The following SENP6 variants were observed in gnomAD, a reference collection of about 807,000 sequenced individuals.
SENP6 encodes the protein SUMO specific peptidase 6.
SENP6 carries 41 observed loss-of-function variants against 134.5 expected under a neutral mutation model. The observed-to-expected ratio is 0.30, with a 90% CI of 0.24 to 0.40. SENP6 has a LOEUF of 0.40. SENP6 is among the 10% of genes least tolerant of loss of function. The pLI is 1.00. For missense variants in SENP6, 1,248 were observed against 1,312.5 expected, an observed-to-expected ratio of 0.95 and a Z score of 0.76; for synonymous variants, 395 against 429.8, an observed-to-expected ratio of 0.92 and a Z score of 1.00.
chr6:75,693,838 A>AT (rs1345175845), intron 16 of SENP6, among the ~76,000 whole-genome samples: 5 of 152,120 alleles, frequency 3.3e-5, no homozygotes, highest in African/African-American at 1.2e-4. Context: ...TTGAACTTGC[A>AT]TAAGTCCTAT....
At position 75,634,783 on chromosome 6, in the gene SENP6, A is replaced by G; in HGVS notation, c.430A>G (p.Ile144Val). ...GRRFHHAHAQ[I>V]PVVKTAAQSS... ...ACGTTTTCATCATGCTCATGCACAG[A>G]TACCAGTAGTAAAAACAGCAGCCCA... The change falls in exon 5 of 24, where the codon ATA becomes GTA. Residue 144 changes from isoleucine to valine, a missense_variant. By Grantham distance (29) the Ile-to-Val change is conservative (BLOSUM62 3). This residue lies in a region of SENP6 where 733 missense variants were observed against 725.4 expected (regional missense o/e 1.01). Coordinates refer to ENST00000447266, the MANE Select transcript of SENP6 (RefSeq NM_015571.4). 1 of 1,603,002 alleles carries G rather than the reference A, an allele frequency of 6.2e-7. No homozygotes were observed. The highest frequency in any genetic ancestry group is 1.1e-5 in the South Asian group (1 of 88,054).
At chr6:75,635,531 T>G (rs1221120889) in intron 5 of SENP6, among the ~76,000 whole-genome samples, 2 of 152,148 alleles carry the variant, frequency 1.3e-5, no homozygotes, top group Non-Finnish European at 1.5e-5. Context: ...GTCCTGAACC[T>G]TGCTATATTT....
chr6:75,632,349 G>A (rs890179894), intron 3 of SENP6, among the ~76,000 whole-genome samples: 3 of 152,098 alleles, frequency 2.0e-5, no homozygotes, highest in Non-Finnish European at 4.4e-5. Context: ...AGTATTTTTG[G>A]ATAAGTCCTG....
At chr6:75,683,458 T>C (rs955334939) in intron 16 of SENP6, among the ~76,000 whole-genome samples, 4 of 152,208 alleles carry the variant, frequency 2.6e-5, no homozygotes, top group Non-Finnish European at 4.4e-5. Context: ...GTTTTAGTCA[T>C]GAAGTCCTTG....
At chr6:75,692,791 C>CAA (rs796153446) in intron 16 of SENP6, among the ~76,000 whole-genome samples, 84 of 143,234 alleles carry the variant, frequency 5.9e-4, no homozygotes, top group African/African-American at 2.1e-3. Flanking sequence ...CTTCCCCCGC[C>CAA]AAAAAAAAAA....
chr6:75,616,592 C>A lies in SENP6; in HGVS notation c.53-4940C>A, dbSNP rs530062420. Among the ~76,000 whole-genome samples, 10 of 151,920 alleles carry A rather than the reference C, an allele frequency of 6.6e-5. No homozygotes were observed. In the East Asian group the frequency reaches 1.9e-3, roughly 30 times the overall value. On this transcript the variant is annotated intron_variant, in intron 1 of 23. Coordinates refer to ENST00000447266, the MANE Select transcript of SENP6 (RefSeq NM_015571.4). ...TGAAACCCTGTCTTTACTAAAAATA[C>A]AAAATTAGCCGGGCGTGGTAGCATG... is the stretch of plus-strand genomic sequence containing the variant.
At position 75,704,539 on chromosome 6, in the gene SENP6, A is replaced by G. The variant is rs1441438172; in HGVS notation, c.2716+1467A>G. 2.0e-5 allele frequency among the ~76,000 whole-genome samples: 3 copies of G among 152,378 alleles called. No homozygotes were observed. The South Asian group carries it at 6.2e-4, about 32-fold the overall frequency. ...CTATCTCAGAATTGAACAAATGTACAATCGGGTTTTATACTGAGACATTCA... is the reference window on the plus strand; with the variant it reads ...CTATCTCAGAATTGAACAAATGTACGATCGGGTTTTATACTGAGACATTCA... On this transcript the variant is annotated intron_variant, in intron 19 of 23. Coordinates refer to ENST00000447266, the MANE Select transcript of SENP6 (RefSeq NM_015571.4).
intron 18 of SENP6, among the ~76,000 whole-genome samples, chr6:75,700,391 T>C (rs1378847385): frequency 2.0e-5 from 3 of 152,246 alleles, no homozygotes; most frequent in African/African-American, 7.2e-5. Context: ...ATTTGTAGCT[T>C]AGCCACATTG....
intron 4 of SENP6, among the ~76,000 whole-genome samples, chr6:75,634,339 CG>C (rs1410949662): frequency 1.3e-5 from 2 of 152,056 alleles, no homozygotes; most frequent in Non-Finnish European, 2.9e-5. Context: ...CTCCGCCTCC[CG>C]GGTTCAAGTG....
chr6:75,665,285 CA>C (rs35079953), intron 9 of SENP6, among the ~76,000 whole-genome samples: 16,418 of 89,780 alleles, frequency 0.18, 812 homozygotes, highest in Middle Eastern at 0.24. Flanking sequence ...GACTCCGTCT[CA>C]AAAAAAAAAA....
chr6:75,693,740 G>C (rs1243642830), intron 16 of SENP6, among the ~76,000 whole-genome samples: 1 of 152,156 alleles, frequency 6.6e-6, no homozygotes, highest in Non-Finnish European at 1.5e-5. Flanking sequence ...TAGGGGGCCA[G>C]ATGTTTTAAG....
chr6:75,675,529 G>T, intron 12 of SENP6, 61 bp downstream of exon 12: 1 of 1,017,648 alleles, frequency 9.8e-7, no homozygotes, highest in Non-Finnish European at 1.5e-6. Flanking sequence ...CACTTTACAG[G>T]AATAAAAGAT....
In SENP6 at chr6:75,699,354, C is replaced by CTTTTT. The variant is rs71544060; in HGVS notation, c.2288+1853_2288+1857dup. 3.9e-3 allele frequency among the ~76,000 whole-genome samples: 450 copies of CTTTTT among 114,972 alleles called. 10 individuals carry two copies. Among genetic ancestry groups the CTTTTT allele is most frequent in the African/African-American group, 9.4e-3 (293 of 31,166 alleles). 75.4% of individuals were successfully genotyped at this position (114,972 alleles called of 152,430 possible). A position where few individuals can be genotyped will look rare whatever the true frequency, so the allele number is the denominator to read the frequency against. On this transcript the variant is annotated intron_variant, in intron 18 of 23. Coordinates refer to ENST00000447266, the MANE Select transcript of SENP6 (RefSeq NM_015571.4). ...TCAAGAGAGCTTGTTTTTGTTTTTG[C>CTTTTT]TTTTTTTTTTTTTTTTTTTTGAAGA...
chr6:75,651,982 C>T (rs1770904085), intron 7 of SENP6, among the ~76,000 whole-genome samples: 1 of 151,330 alleles, frequency 6.6e-6, no homozygotes, highest in Non-Finnish European at 1.5e-5. Context: ...TTGAGACCAG[C>T]CTGGGCAACA....
chr6:75,703,040 A>G lies in SENP6; in HGVS notation c.2684A>G (p.Gln895Arg), dbSNP rs533274763. The change falls in exon 19 of 24, where the codon CAG (glutamine) becomes CGG (arginine). Residue 895 changes from glutamine (Q) to arginine (R), a missense_variant. Transcript: ENST00000447266. ...AGGACTAAAAGTGAGAATGGCCTAC[A>G]GAATGAAAGTTTAAGTTCCACACAT... ...ADRTKSENGL[Q>R]NESLSSTHHT... 214 of 1,610,200 alleles carry G rather than the reference A, an allele frequency of 1.3e-4. 1 individual carries two copies. The highest frequency in any genetic ancestry group is 1.7e-4 in the Non-Finnish European group (196 of 1,178,852).
intron 17 of SENP6, 61 bp downstream of exon 17, chr6:75,695,984 A>G (rs7755068): frequency 0.16 from 226,639 of 1,421,874 alleles, 20,036 homozygotes; most frequent in African/African-American, 0.31. Context: ...CTAAGTGAAA[A>G]ATCACGTACT....
rs962671739 is a variant in SENP6, at chr6:75,659,237, GTTTA to G, written c.551-21_551-18del. On this transcript the variant is annotated intron_variant, in intron 7 of 23. Coordinates refer to ENST00000447266, the MANE Select transcript of SENP6 (RefSeq NM_015571.4). Reference sequence around the variant, plus strand: ...TAGCTTATTTTAACTAAAACTTAAAGTTTATTTTTTTCTCCTTCCTTTAGAACGT... The same window carrying G: ...TAGCTTATTTTAACTAAAACTTAAAGTTTTTTTCTCCTTCCTTTAGAACGT... 3 of 1,555,518 alleles carry G rather than the reference GTTTA, an allele frequency of 1.9e-6. No homozygotes were observed. The African/African-American group carries it at 4.2e-5, about 22-fold the overall frequency.
At chr6:75,674,169 T>TAA (rs1772904188) in intron 11 of SENP6, among the ~76,000 whole-genome samples, 12 of 119,824 alleles carry the variant, frequency 1.0e-4, no homozygotes, top group South Asian at 2.7e-4. Context: ...TTTTTTTTTT[T>TAA]TAAAAACGAT....
intron 7 of SENP6, among the ~76,000 whole-genome samples, chr6:75,653,165 G>C (rs999826642): frequency 1.1e-4 from 17 of 152,244 alleles, no homozygotes; most frequent in African/African-American, 4.1e-4. Flanking sequence ...CGAATAGCTG[G>C]GATTACAGGC....
Sources: allele counts gnomAD v4.1 joint callset (sites outside exome capture counted in the v4.1 genomes callset), GRCh38; gene constraint gnomAD v4.1.1; regional missense constraint gnomAD v4.1.1; transcripts MANE v1.5; gene names NCBI Gene and HGNC (gene_info 2026-07-23, HGNC 2026-07-21).